AGMO: variants seen among roughly 807,000 people sequenced by gnomAD.
AGMO encodes the protein alkylglycerol monooxygenase, also known as glyceryl-ether monooxygenase.
A neutral mutation model predicts 60.2 loss-of-function variants in AGMO; 75 were observed. The observed-to-expected ratio is 1.25, with a 90% CI of 1.03 to 1.51. AGMO has a LOEUF of 1.51. Ranked by LOEUF, AGMO falls within the 40% of genes most tolerant of loss-of-function variation. The pLI, the probability that AGMO is intolerant of heterozygous loss-of-function variation, is 0.00. For missense variants in AGMO, 763 were observed against 525.5 expected (o/e 1.45, Z -4.42); for synonymous variants, 261 against 177.1 (o/e 1.47, Z -3.76).
intron 5 of AGMO, among the ~76,000 whole-genome samples, chr7:15,417,315 A>G (rs1003320215): frequency 2.0e-5 from 3 of 152,202 alleles, no homozygotes; most frequent in African/African-American, 7.2e-5. Flanking sequence ...CTCTTGCTTT[A>G]CTTCATGAAA....
At chr7:15,134,727 C>T in the AGMO span, among the ~76,000 whole-genome samples, 21 of 152,152 alleles carry the variant, frequency 1.4e-4, no homozygotes, top group African/African-American at 3.4e-4. Flanking sequence ...GTTGACTCCA[C>T]GCCTTTGCTG....
At chr7:15,405,046 T>C (rs1784651238) in intron 5 of AGMO, among the ~76,000 whole-genome samples, 1 of 151,894 alleles carries the variant, frequency 6.6e-6, no homozygotes, top group African/African-American at 2.4e-5. Flanking sequence ...TTAAGTTCAT[T>C]TGCCCTGTCA....
the AGMO span, among the ~76,000 whole-genome samples, chr7:15,150,676 T>G: frequency 5.5e-4 from 84 of 152,276 alleles, no homozygotes; most frequent in African/African-American, 1.9e-3. Flanking sequence ...TGAATTAGCT[T>G]TTTAATGTAC....
intron 12 of AGMO, among the ~76,000 whole-genome samples, chr7:15,291,710 T>C (rs1784268716): frequency 6.6e-6 from 1 of 152,120 alleles, no homozygotes; most frequent in South Asian, 2.1e-4. Flanking sequence ...CCTAACAGGA[T>C]TCACGGCCTA....
At chr7:15,166,305 A>G in the AGMO span, among the ~76,000 whole-genome samples, 50 of 152,152 alleles carry the variant, frequency 3.3e-4, no homozygotes, top group South Asian at 4.1e-4. Context: ...CTGACACGTT[A>G]GGGAAGACCA....
chr7:15,232,103 C>A (rs918032549), intron 12 of AGMO, among the ~76,000 whole-genome samples: 11 of 152,166 alleles, frequency 7.2e-5, no homozygotes, highest in Admixed American at 5.2e-4. Context: ...CATCCTCCCA[C>A]CTGCTGAAGA....
At chr7:15,359,122 CA>C (rs1269769060) in intron 12 of AGMO, among the ~76,000 whole-genome samples, 3 of 151,590 alleles carry the variant, frequency 2.0e-5, no homozygotes, top group African/African-American at 7.3e-5. Flanking sequence ...ACCCCGTCTC[CA>C]CTAAAAATAC....
At chr7:15,395,008 T>C (rs6960653) in intron 5 of AGMO, among the ~76,000 whole-genome samples, 55,297 of 152,134 alleles carry the variant, frequency 0.36, 10,468 homozygotes, top group Middle Eastern at 0.49. Context: ...GAAAAAAGTA[T>C]AGCAGCCCAG....
At chr7:15,377,174 A>G (rs916063377) in intron 10 of AGMO, among the ~76,000 whole-genome samples, 1 of 152,060 alleles carries the variant, frequency 6.6e-6, no homozygotes, top group Non-Finnish European at 1.5e-5. Flanking sequence ...TTAGAAAGGC[A>G]CTATAGAATT....
chr7:15,323,419 A>C (rs1173776218), intron 12 of AGMO, among the ~76,000 whole-genome samples: 10 of 152,152 alleles, frequency 6.6e-5, no homozygotes, highest in African/African-American at 2.2e-4. Flanking sequence ...CTTCCTTTCA[A>C]GGGGGATAAA....
chr7:15,380,702 A>G (rs1296992275), intron 10 of AGMO, among the ~76,000 whole-genome samples: 2 of 152,176 alleles, frequency 1.3e-5, no homozygotes, highest in African/African-American at 2.4e-5. Context: ...CATGGAACCA[A>G]TAAAAGAGCC....
At chr7:15,167,337 C>A in the AGMO span, among the ~76,000 whole-genome samples, 6 of 152,076 alleles carry the variant, frequency 3.9e-5, no homozygotes, top group Non-Finnish European at 5.9e-5. Flanking sequence ...TATTTAATAT[C>A]TCTAAAATTA....
the AGMO span, among the ~76,000 whole-genome samples, chr7:15,187,830 CTT>C: frequency 1.3e-5 from 2 of 152,024 alleles, no homozygotes; most frequent in African/African-American, 2.4e-5. Flanking sequence ...CTGTTTTCCT[CTT>C]GTCTTGTTGG....
chr7:15,227,693 C>T (rs1334128568), intron 12 of AGMO, among the ~76,000 whole-genome samples: 5 of 152,076 alleles, frequency 3.3e-5, no homozygotes, highest in Non-Finnish European at 7.4e-5. Flanking sequence ...TTACACGTAT[C>T]ATCCATGAGG....
chr7:15,222,236 G>C (rs1444796184), intron 12 of AGMO, among the ~76,000 whole-genome samples: 1 of 151,840 alleles, frequency 6.6e-6, no homozygotes, highest in Non-Finnish European at 1.5e-5. Flanking sequence ...TTTGGTCTAG[G>C]TATTAGAATC....
chr7:15,161,537 T>C, the AGMO span, among the ~76,000 whole-genome samples: 1 of 151,698 alleles, frequency 6.6e-6, no homozygotes, highest in Non-Finnish European at 1.5e-5. Context: ...ATGGATCATA[T>C]ATGCATTAAT....
the AGMO span, among the ~76,000 whole-genome samples, chr7:15,128,208 C>T: frequency 1.3e-5 from 2 of 151,990 alleles, no homozygotes; most frequent in Non-Finnish European, 2.9e-5. Flanking sequence ...CCAATCCAAA[C>T]GAGTGTGATA....
At chr7:15,481,934 T>C (rs753357621) in intron 3 of AGMO, among the ~76,000 whole-genome samples, 2 of 151,386 alleles carry the variant, frequency 1.3e-5, no homozygotes, top group African/African-American at 4.9e-5. Context: ...TGTTTAGAAA[T>C]TAAGCAATGT....
intron 3 of AGMO, among the ~76,000 whole-genome samples, chr7:15,516,708 C>G (rs960185848): frequency 6.6e-6 from 1 of 152,000 alleles, no homozygotes; most frequent in Non-Finnish European, 1.5e-5. Context: ...CAAAAACTGT[C>G]AGTTATTTCA....
Sources: allele counts gnomAD v4.1 joint callset (sites outside exome capture counted in the v4.1 genomes callset), GRCh38; gene constraint gnomAD v4.1.1; transcripts MANE v1.5; gene names NCBI Gene and HGNC (gene_info 2026-07-23, HGNC 2026-07-21).